The following EPN1 variants were observed in gnomAD, a reference collection of about 807,000 sequenced individuals.
The protein encoded by EPN1 is epsin 1, also known as epsin-1.
In EPN1, 25 loss-of-function variants were observed where a neutral mutation model predicts 56.9. That is an observed-to-expected ratio of 0.44 (90% CI 0.32 to 0.61). The LOEUF (loss-of-function observed/expected upper bound fraction) is 0.61. Among genes scored for constraint, EPN1 ranks in the 20% least tolerant of loss-of-function variants. The probability of loss-of-function intolerance (pLI) is 0.05; values close to 1 mark genes in which losing one functional copy is unlikely to be tolerated. For synonymous variants in EPN1, 411 were observed against 361.8 expected, an observed-to-expected ratio of 1.14 and a Z score of -1.54; for missense variants, 785 against 823.7, an observed-to-expected ratio of 0.95 and a Z score of 0.58.
At position 55,689,656 on chromosome 19, in the gene EPN1, G is replaced by A. The variant is rs986726830; in HGVS notation, c.679-211G>A. Among the ~76,000 whole-genome samples the A allele has an allele frequency of 2.0e-5, 3 of 152,134 alleles. No individual in the cohort carries two copies. The highest frequency in any genetic ancestry group is 2.9e-5 in the Non-Finnish European group (2 of 68,014). On this transcript the variant is annotated intron_variant, in intron 5 of 10. Transcript: ENST00000270460. This position sits in a 1 kb window ranked among gnomAD's most constrained non-coding sequence, Gnocchi z 5.7. ...GCGGGTGCCCGTCCTCCCCGGGTGC[G>A]CCAGCACAGCACCCCACTCCCCTTA... is the stretch of plus-strand genomic sequence containing the variant.
intron 1 of EPN1, 113 bp from the exon 2 acceptor site, chr19:55,678,414 G>A (rs1229840100): frequency 8.1e-6 from 9 of 1,110,984 alleles, no homozygotes; most frequent in Non-Finnish European, 1.2e-6. Context: ...AGACCTAGAG[G>A]TTAACAAGGG....
In EPN1 at chr19:55,691,794, C is replaced by G; in HGVS notation, c.803C>G (p.Ala268Gly). 6.2e-7 allele frequency: 1 copy of G among 1,612,860 alleles called. No homozygotes were observed. Residue 268 changes from alanine to glycine, a missense_variant, in exon 7 of 11, where the codon GCT becomes GGT. Physicochemically the swap from Ala to Gly is moderately conservative, Grantham distance 60 (BLOSUM62 0). Transcript: ENST00000270460. The surrounding 1 kb of genome is among the most constrained non-coding windows in gnomAD (Gnocchi z 5.6). ...CTTGCTGACGTCTTCACGGCCCCAG[C>G]TCCTGCCCCGACCACAGACCCCTGG... ...MDLADVFTAP[A>G]PAPTTDPWGG... is the part of the protein sequence containing the mutation.
At chr19:55,690,882 C>T (rs956638344) in intron 6 of EPN1, among the ~76,000 whole-genome samples, 2 of 152,190 alleles carry the variant, frequency 1.3e-5, no homozygotes, top group Admixed American at 1.3e-4. Context: ...GGGTCTCTAT[C>T]AGTGTCCACC....
chr19:55,679,568 G>T (rs1369263136), intron 2 of EPN1, among the ~76,000 whole-genome samples: 1 of 152,232 alleles, frequency 6.6e-6, no homozygotes, highest in Admixed American at 6.5e-5. Context: ...GTGTCTTGGT[G>T]CACCAGACCA....
chr19:55,677,108 C>G, intron 1 of EPN1: 1 of 1,550,104 alleles, frequency 6.5e-7, no homozygotes, highest in Non-Finnish European at 8.7e-7. Flanking sequence ...TCCCTATCTC[C>G]CCTGGGCTTA....
chr19:55,709,039 T>C lies in EPN1; in HGVS notation c.*13683T>C. 6.4e-7 allele frequency: 1 copy of C among 1,568,398 alleles called. No individual in the cohort carries two copies. Among genetic ancestry groups the C allele is most frequent in the Non-Finnish European group, 8.6e-7 (1 of 1,165,618 alleles). On this transcript the variant is annotated 3_prime_UTR_variant, in exon 11 of 11. Coordinates refer to ENST00000270460, the MANE Select transcript of EPN1 (RefSeq NM_001130072.2). ...AGTTTCTTCATCAAAGCCAGATTTGTGCAGCCTGGGAAAATAGAAATAAAG... is the reference window on the plus strand; with the variant it reads ...AGTTTCTTCATCAAAGCCAGATTTGCGCAGCCTGGGAAAATAGAAATAAAG...
In EPN1 at chr19:55,685,527, C is replaced by T. The variant is rs200194873; in HGVS notation, c.360C>T (p.Gly120=). 1.4e-5 allele frequency: 23 copies of T among 1,612,440 alleles called. No individual in the cohort carries two copies. The highest frequency in any genetic ancestry group is 3.3e-5 in the South Asian group (3 of 90,736). Residue 120 remains glycine (G), a synonymous_variant, in exon 3 of 11, where the codon GGC becomes GGT. Transcript: ENST00000270460. ...QYVDRDGKDQ[G]VNVREKAKQL... Reference sequence around the variant, plus strand: ...TGGACCGCGACGGCAAGGACCAGGGCGTGAACGTGCGTGAGAAAGCTAAGC... The same window carrying T: ...TGGACCGCGACGGCAAGGACCAGGGTGTGAACGTGCGTGAGAAAGCTAAGC...
chr19:55,687,783 G>A lies in EPN1; in HGVS notation c.479-1087G>A, dbSNP rs150467721. On this transcript the variant is annotated intron_variant, in intron 3 of 10. Coordinates refer to ENST00000270460, the MANE Select transcript of EPN1 (RefSeq NM_001130072.2). ...CCCCAGATGGTCACCCTTCGGCCCCGCTCTGCCACCCACATGCTCCCTGGA... is the reference window on the plus strand; with the variant it reads ...CCCCAGATGGTCACCCTTCGGCCCCACTCTGCCACCCACATGCTCCCTGGA... Among the ~76,000 whole-genome samples the A allele has an allele frequency of 6.8e-3, 1,038 of 152,246 alleles. 11 individuals are homozygous for A. Among genetic ancestry groups the A allele is most frequent in the Non-Finnish European group, 7.0e-3 (477 of 68,016 alleles).
rs144228297 is a variant in EPN1, at chr19:55,690,587, C to T, written c.762+637C>T. On this transcript the variant is annotated intron_variant, in intron 6 of 10. Coordinates refer to ENST00000270460, the MANE Select transcript of EPN1 (RefSeq NM_001130072.2). ...CTGGCCTTGCCCTCCAGCCTCCTCC[C>T]CTGGCCTCTCCCTGGTTACTAGTCT... Among the ~76,000 whole-genome samples the T allele has an allele frequency of 2.6e-3, 393 of 152,350 alleles. 2 individuals carry two copies. Among genetic ancestry groups the T allele is most frequent in the Non-Finnish European group, 4.2e-3 (289 of 68,024 alleles).
intron 2 of EPN1, among the ~76,000 whole-genome samples, chr19:55,680,172 C>T (rs1985715424): frequency 1.3e-5 from 2 of 152,186 alleles, no homozygotes; most frequent in Admixed American, 6.5e-5. Flanking sequence ...GCTTGGGCTG[C>T]TTTACTGAGG....
intron 1 of EPN1, among the ~76,000 whole-genome samples, chr19:55,676,438 A>C (rs1985432173): frequency 1.3e-5 from 2 of 152,196 alleles, no homozygotes; most frequent in South Asian, 4.1e-4. Flanking sequence ...AATTTTTTCT[A>C]ATGCACGCCA....
rs561927718 is a variant in EPN1 at position 55,697,985 on chromosome 19, G to A, written c.*2629G>A. On this transcript the variant is annotated 3_prime_UTR_variant, in exon 11 of 11. Coordinates refer to ENST00000270460, the MANE Select transcript of EPN1 (RefSeq NM_001130072.2). ...ACAGGTACAGGTACCATCAGTGGAT[G>A]GAAAATCACTAAGAGCAAACCTCAG... is the stretch of plus-strand genomic sequence containing the variant. The A allele has an allele frequency of 2.5e-4, 38 of 152,096 alleles. No homozygotes were observed. The highest frequency in any genetic ancestry group is 9.2e-4 in the African/African-American group (38 of 41,468). 9.4% of individuals were successfully genotyped at this position (152,096 alleles called of 1,614,324 possible). A position where few individuals can be genotyped will look rare whatever the true frequency, so the allele number is the denominator to read the frequency against.
At chr19:55,687,282 C>G (rs1199862401) in intron 3 of EPN1, among the ~76,000 whole-genome samples, 1 of 152,048 alleles carries the variant, frequency 6.6e-6, no homozygotes, top group African/African-American at 2.4e-5. Context: ...GTGTGGAGGG[C>G]TGTGGCTGGG....
Position 55,705,790 on chromosome 19 carries a change from G to C in EPN1, c.*10434G>C, listed in dbSNP as rs1238108935. ...AACAGTCATACTGACATTGTGGCTG[G>C]AATATTTGTTGTTGTGGGATATATA... On this transcript the variant is annotated 3_prime_UTR_variant, in exon 11 of 11. Coordinates refer to ENST00000270460, the MANE Select transcript of EPN1 (RefSeq NM_001130072.2). The C allele has an allele frequency of 8.6e-6, 1 of 115,830 alleles. No individual in the cohort carries two copies. The highest frequency in any genetic ancestry group is 2.4e-4 in the East Asian group (1 of 4,178). 7.2% of individuals were successfully genotyped at this position (115,830 alleles called of 1,614,324 possible).
chr19:55,707,798 A>AC lies in EPN1; in HGVS notation c.*12442_*12443insC, dbSNP rs1290373734. On this transcript the variant is annotated 3_prime_UTR_variant, in exon 11 of 11. Transcript: ENST00000270460. The stretch of plus-strand genomic sequence containing the variant: ...TTCTTTCCACTGGAATCCCCCACAC[A>AC]ATGGTGTCTTTTGTCCTATGGAAAC... The AC allele has an allele frequency of 1.3e-5, 2 of 154,434 alleles. No individual in the cohort carries two copies. The highest frequency in any genetic ancestry group is 4.8e-5 in the African/African-American group (2 of 41,532). 9.6% of individuals were successfully genotyped at this position (154,434 alleles called of 1,614,324 possible). A position where few individuals can be genotyped will look rare whatever the true frequency, so the allele number is the denominator to read the frequency against.
At chr19:55,685,985 G>A (rs551658530) in intron 3 of EPN1, among the ~76,000 whole-genome samples, 7 of 152,316 alleles carry the variant, frequency 4.6e-5, no homozygotes, top group Admixed American at 2.0e-4. Context: ...AGTGACCCCC[G>A]AGGGTGCTGT....
At position 55,689,650 on chromosome 19, in the gene EPN1, G is replaced by A. The variant is rs1437756392; in HGVS notation, c.679-217G>A. The stretch of plus-strand genomic sequence containing the variant: ...ACCGAGGCGGGTGCCCGTCCTCCCC[G>A]GGTGCGCCAGCACAGCACCCCACTC... On this transcript the variant is annotated intron_variant, in intron 5 of 10. Coordinates refer to ENST00000270460, the MANE Select transcript of EPN1 (RefSeq NM_001130072.2). The surrounding 1 kb of genome is among the most constrained non-coding windows in gnomAD (Gnocchi z 5.7). Among the ~76,000 whole-genome samples the A allele has an allele frequency of 1.3e-5, 2 of 152,090 alleles. No homozygotes were observed. The highest frequency in any genetic ancestry group is 2.9e-5 in the Non-Finnish European group (2 of 68,014).
At position 55,700,287 on chromosome 19, in the gene EPN1, T is replaced by A. The variant is rs1293635428; in HGVS notation, c.*4931T>A. 4 of 145,782 alleles carry A rather than the reference T, an allele frequency of 2.7e-5. No individual in the cohort carries two copies. The highest frequency in any genetic ancestry group is 4.5e-5 in the Non-Finnish European group (3 of 66,926). The allele number at this position is 145,782 out of a possible 1,614,324, so 9.0% of individuals were successfully genotyped here. ...TTCCTTTCCTTATTATTATTATTTA[T>A]TTTTTTTTTGAGATGGAGTCTTGCT... On this transcript the variant is annotated 3_prime_UTR_variant, in exon 11 of 11. Transcript: ENST00000270460.
At position 55,691,863 on chromosome 19, in the gene EPN1, C is replaced by T. The variant is rs199806653; in HGVS notation, c.872C>T (p.Pro291Leu). The T allele has an allele frequency of 5.2e-3, 8,415 of 1,603,856 alleles. 25 individuals are homozygous for T. The highest frequency in any genetic ancestry group is 6.7e-3 in the Admixed American group (396 of 59,202). ...PMAAAVPTAA[P>L]TSDPWGGPPV... ...GCTGCTGCCGTCCCCACGGCTGCCC[C>T]CACCTCGGACCCCTGGGGCGGCCCC... Residue 291 changes from proline (P) to leucine (L), a missense_variant, in exon 7 of 11, where the codon CCC becomes CTC. By Grantham distance (98) the Pro-to-Leu change is moderately conservative. Transcript: ENST00000270460. This position sits in a 1 kb window ranked among gnomAD's most constrained non-coding sequence, Gnocchi z 5.6.
Sources: gnomAD v4.1 joint callset for allele counts (sites outside exome capture counted in the v4.1 genomes callset) on GRCh38, gnomAD v4.1.1 for gene constraint, Gnocchi (gnomAD v3.1) non-coding constraint, MANE v1.5 for transcripts, NCBI Gene and HGNC (gene_info 2026-07-23, HGNC 2026-07-21) for gene names.